AK9: variants seen among roughly 807,000 people sequenced by gnomAD.
AK9 encodes the protein adenylate kinase domain containing 1.
A neutral mutation model predicts 239.6 loss-of-function variants in AK9; 191 were observed. The observed-to-expected ratio is 0.80, with a 90% CI of 0.71 to 0.90. AK9 has a LOEUF of 0.90. Among genes scored for constraint, AK9 ranks in the 40% least tolerant of loss-of-function variants. The pLI is 0.00. For synonymous variants in AK9, 689 were observed against 721.0 expected, an observed-to-expected ratio of 0.96 and a Z score of 0.71; for missense variants, 1,995 against 2,214.7, an observed-to-expected ratio of 0.90 and a Z score of 1.99.
chr6:109,598,973 A>G (rs1273469568), intron 17 of AK9, among the ~76,000 whole-genome samples: 1 of 152,160 alleles, frequency 6.6e-6, no homozygotes, highest in African/African-American at 2.4e-5. Flanking sequence ...TCTGGATATT[A>G]GCCCTTTGTC....
intron 27 of AK9, among the ~76,000 whole-genome samples, chr6:109,539,472 C>A (rs1582907410): frequency 1.3e-5 from 2 of 152,274 alleles, no homozygotes; most frequent in South Asian, 2.1e-4. Context: ...TTAAGGAGTT[C>A]TCTACACTGG....
At chr6:109,645,014 T>C (rs146405175) in intron 8 of AK9, among the ~76,000 whole-genome samples, 2 of 152,384 alleles carry the variant, frequency 1.3e-5, no homozygotes, top group Admixed American at 6.5e-5. Flanking sequence ...TGGAAGCATC[T>C]GATTAAACTT....
intron 19 of AK9, among the ~76,000 whole-genome samples, chr6:109,582,466 G>T (rs977170736): frequency 2.6e-5 from 4 of 152,122 alleles, no homozygotes; most frequent in African/African-American, 9.7e-5. Context: ...ATAAGTTCAG[G>T]ACTGTAATGA....
chr6:109,614,092 G>A (rs1793880001), intron 15 of AK9, 91 bp downstream of exon 15: 5 of 1,277,062 alleles, frequency 3.9e-6, no homozygotes, highest in African/African-American at 1.5e-5. Flanking sequence ...CAATTTTGGG[G>A]GTAATTTTAA....
chr6:109,497,773 CT>C (rs1562315207), intron 37 of AK9, 22 bp downstream of exon 37: 1 of 1,604,756 alleles, frequency 6.2e-7, no homozygotes, highest in Admixed American at 1.7e-5. Flanking sequence ...TCATTCTATA[CT>C]TCCATGAAGG....
intron 1 of AK9, among the ~76,000 whole-genome samples, chr6:109,687,841 A>G (rs546102513): frequency 6.6e-6 from 1 of 152,380 alleles, no homozygotes; most frequent in Non-Finnish European, 1.5e-5. Flanking sequence ...GCTATGCAGC[A>G]TAGAAAACTA....
intron 12 of AK9, among the ~76,000 whole-genome samples, chr6:109,620,028 T>C (rs966628453): frequency 6.6e-6 from 1 of 152,146 alleles, no homozygotes; most frequent in Non-Finnish European, 1.5e-5. Context: ...ATTGTATGAA[T>C]ATACTACAGT....
At chr6:109,658,940 A>T (rs574174895) in intron 7 of AK9, among the ~76,000 whole-genome samples, 1 of 152,282 alleles carries the variant, frequency 6.6e-6, no homozygotes, top group South Asian at 2.1e-4. Context: ...CTTGACACAC[A>T]GTAGGTGACC....
intron 28 of AK9, among the ~76,000 whole-genome samples, chr6:109,532,644 C>G (rs1484449566): frequency 1.3e-5 from 2 of 152,110 alleles, no homozygotes; most frequent in South Asian, 2.1e-4. Flanking sequence ...TTTTATTTTT[C>G]TATTCATCAG....
rs1261344170 is a variant in AK9, at chr6:109,493,341, A to C, written c.*28T>G. 1.9e-6 allele frequency: 3 copies of C among 1,591,600 alleles called. No individual in the cohort carries two copies. Among genetic ancestry groups the C allele is most frequent in the Non-Finnish European group, 2.6e-6 (3 of 1,161,924 alleles). On this transcript the variant is annotated 3_prime_UTR_variant, in exon 41 of 41. Coordinates refer to ENST00000424296, the MANE Select transcript of AK9 (RefSeq NM_001145128.3). ...CTCTATCACTTTCAGATAACTCTTG[A>C]GATTCAGGCTGCTATCACCTAAGTA...
intron 21 of AK9, 44 bp downstream of exon 21, chr6:109,573,398 T>G: frequency 6.6e-7 from 1 of 1,511,562 alleles, no homozygotes; most frequent in Non-Finnish European, 8.9e-7. Context: ...GACACATTAA[T>G]GCACATGAGT....
chr6:109,652,417 G>C (rs1799101644), intron 8 of AK9, among the ~76,000 whole-genome samples: 1 of 152,078 alleles, frequency 6.6e-6, no homozygotes, highest in South Asian at 2.1e-4. Context: ...AATAATAAGA[G>C]CTATTTATGA....
At chr6:109,548,964 T>C (rs1432994501) in intron 25 of AK9, among the ~76,000 whole-genome samples, 1 of 152,194 alleles carries the variant, frequency 6.6e-6, no homozygotes, top group East Asian at 1.9e-4. Flanking sequence ...ACAGCTTTAT[T>C]TTTTTGAGGA....
At chr6:109,599,366 T>C (rs952294913) in intron 17 of AK9, among the ~76,000 whole-genome samples, 24 of 151,982 alleles carry the variant, frequency 1.6e-4, no homozygotes, top group Non-Finnish European at 2.8e-4. Context: ...GTCAGGTTTG[T>C]CAAAGATCAG....
intron 24 of AK9, among the ~76,000 whole-genome samples, chr6:109,552,061 TTTTATGGCTGCAGAGCATCCCATGGTA>T (rs1206746374): frequency 1.3e-5 from 2 of 152,196 alleles, no homozygotes; most frequent in Non-Finnish European, 2.9e-5. Flanking sequence ...TCTCATTCTT[TTTTATGGCTGCAGAGCATCCCATGGTA>T]TATATATACC....
At chr6:109,634,750 C>T (rs1796510651) in intron 10 of AK9, among the ~76,000 whole-genome samples, 1 of 152,218 alleles carries the variant, frequency 6.6e-6, no homozygotes, top group Non-Finnish European at 1.5e-5. Context: ...AGGCCTTCTC[C>T]ACAGGGTTCC....
chr6:109,582,831 C>T (rs766178766), intron 19 of AK9, among the ~76,000 whole-genome samples: 139 of 151,990 alleles, frequency 9.1e-4, no homozygotes, highest in Non-Finnish European at 1.5e-3. Context: ...ACAGATACAA[C>T]AAACTTCATC....
At chr6:109,648,921 G>T (rs1798501394) in intron 8 of AK9, among the ~76,000 whole-genome samples, 1 of 152,226 alleles carries the variant, frequency 6.6e-6, no homozygotes, top group Non-Finnish European at 1.5e-5. Flanking sequence ...TCCCTGGGAT[G>T]CAAGGCTGGT....
At chr6:109,511,209 T>C (rs1778710208) in intron 32 of AK9, among the ~76,000 whole-genome samples, 1 of 152,190 alleles carries the variant, frequency 6.6e-6, no homozygotes. Flanking sequence ...ATAATATTCC[T>C]GTTTCACTGA....
Sources: gnomAD v4.1 joint callset for allele counts (sites outside exome capture counted in the v4.1 genomes callset) on GRCh38, gnomAD v4.1.1 for gene constraint, MANE v1.5 for transcripts, NCBI Gene and HGNC (gene_info 2026-07-23, HGNC 2026-07-21) for gene names.